The following PCDH9 variants were observed in gnomAD, a reference collection of about 807,000 sequenced individuals.
PCDH9 encodes protocadherin-9.
In PCDH9, 24 loss-of-function variants were observed where a neutral mutation model predicts 70.6. The observed-to-expected ratio is 0.34, with a 90% CI of 0.25 to 0.48. The LOEUF is 0.48. Among genes scored for constraint, PCDH9 ranks in the 20% least tolerant of loss-of-function variants. The pLI is 0.99. For missense variants in PCDH9, 1,281 were observed against 1,503.6 expected, an observed-to-expected ratio of 0.85 and a Z score of 2.45; for synonymous variants, 562 against 558.5, an observed-to-expected ratio of 1.01 and a Z score of -0.09.
At chr13:66,395,049 T>G (rs898278966) in intron 4 of PCDH9, among the ~76,000 whole-genome samples, 1 of 152,214 alleles carries the variant, frequency 6.6e-6, no homozygotes, top group Non-Finnish European at 1.5e-5. Flanking sequence ...TACAATGTTC[T>G]TTTTTGCTTG....
At chr13:66,324,730 A>C (rs1397639458) in intron 4 of PCDH9, among the ~76,000 whole-genome samples, 1 of 152,022 alleles carries the variant, frequency 6.6e-6, no homozygotes, top group Non-Finnish European at 1.5e-5. Flanking sequence ...TAGTTTCCTA[A>C]GCAAGCAGAG....
At chr13:66,672,734 T>G (rs1334758222) in intron 3 of PCDH9, among the ~76,000 whole-genome samples, 1 of 152,210 alleles carries the variant, frequency 6.6e-6, no homozygotes, top group East Asian at 1.9e-4. Context: ...CAGCATGACC[T>G]GGATGTGAGA....
In PCDH9 at chr13:66,361,830, G is replaced by A. The variant is rs143642088; in HGVS notation, c.3341-56802C>T. ...CATAGGTTTATCTGCAATGATAGCC[G>A]CTGCCTTGATTAATGTTTGAGCAGG... On this transcript the variant is annotated intron_variant, in intron 4 of 4. Transcript: ENST00000377865. 1.5e-4 allele frequency among the ~76,000 whole-genome samples: 23 copies of A among 152,202 alleles called. No individual in the cohort carries two copies. In the East Asian group the frequency reaches 4.1e-3, roughly 27 times the overall value.
intron 2 of PCDH9, among the ~76,000 whole-genome samples, chr13:67,154,132 A>G (rs2087736643): frequency 6.6e-6 from 1 of 152,198 alleles, no homozygotes; most frequent in African/African-American, 2.4e-5. Flanking sequence ...ATATAAGATA[A>G]TTAAGCACTA....
Position 66,911,365 on chromosome 13 carries a change from A to T in PCDH9, c.3037-7760T>A, listed in dbSNP as rs562035878. Among the ~76,000 whole-genome samples the T allele has an allele frequency of 2.4e-3, 366 of 152,272 alleles. 5 individuals are homozygous for T. The highest frequency in any genetic ancestry group is 8.3e-3 in the African/African-American group (343 of 41,566). On this transcript the variant is annotated intron_variant, in intron 2 of 4. Transcript: ENST00000377865. ...CTGGCTGTAAATTCCTTCATAAGTA[A>T]TTACTATACTTCTAACCTCTCTAAC... is the stretch of plus-strand genomic sequence containing the variant.
At chr13:67,034,241 C>G (rs888426133) in intron 2 of PCDH9, among the ~76,000 whole-genome samples, 2 of 152,078 alleles carry the variant, frequency 1.3e-5, no homozygotes, top group Non-Finnish European at 2.9e-5. Flanking sequence ...CCTCAGCCTC[C>G]CAAAGTGCTG....
chr13:66,798,659 C>T (rs1326041941), intron 3 of PCDH9, among the ~76,000 whole-genome samples: 1 of 152,142 alleles, frequency 6.6e-6, no homozygotes, highest in East Asian at 1.9e-4. Flanking sequence ...ATCTTCATCG[C>T]CTTCCCAATA....
chr13:66,385,806 A>G (rs1956917782), intron 4 of PCDH9, among the ~76,000 whole-genome samples: 1 of 152,204 alleles, frequency 6.6e-6, no homozygotes, highest in Non-Finnish European at 1.5e-5. Context: ...GCGATTTCAA[A>G]TATTGCCTTT....
chr13:66,772,336 C>A (rs1345839485), intron 3 of PCDH9, among the ~76,000 whole-genome samples: 1 of 152,172 alleles, frequency 6.6e-6, no homozygotes, highest in Non-Finnish European at 1.5e-5. Context: ...ATTTGCAATA[C>A]AAAGTTAACT....
intron 4 of PCDH9, among the ~76,000 whole-genome samples, chr13:66,370,685 A>G (rs1956634370): frequency 6.6e-6 from 1 of 151,364 alleles, no homozygotes; most frequent in Non-Finnish European, 1.5e-5. Context: ...TAATTTTTCA[A>G]AAAATTTATG....
At chr13:66,620,808 C>A (rs929967543) in intron 4 of PCDH9, among the ~76,000 whole-genome samples, 1 of 152,044 alleles carries the variant, frequency 6.6e-6, no homozygotes, top group East Asian at 1.9e-4. Context: ...TCCTAAAAAT[C>A]TACTTGTGGT....
intron 2 of PCDH9, among the ~76,000 whole-genome samples, chr13:67,159,533 T>C (rs2087900516): frequency 6.6e-6 from 1 of 152,226 alleles, no homozygotes; most frequent in South Asian, 2.1e-4. Flanking sequence ...TAGGAAATAA[T>C]GGAGGTCAGA....
chr13:67,171,243 A>C (rs1029293738), intron 2 of PCDH9, among the ~76,000 whole-genome samples: 1 of 152,172 alleles, frequency 6.6e-6, no homozygotes, highest in Non-Finnish European at 1.5e-5. Context: ...TTAAAAGAAA[A>C]AGTTGAAAAT....
At chr13:66,759,781 T>C (rs894253155) in intron 3 of PCDH9, among the ~76,000 whole-genome samples, 1 of 81,848 alleles carries the variant, frequency 1.2e-5, no homozygotes, top group African/African-American at 4.2e-5. Flanking sequence ...ATACTTTACA[T>C]ATATTTAAAT....
intron 4 of PCDH9, among the ~76,000 whole-genome samples, chr13:66,535,247 C>T (rs1455443099): frequency 1.3e-5 from 2 of 151,890 alleles, no homozygotes; most frequent in Non-Finnish European, 2.9e-5. Flanking sequence ...TGTTTTTAAA[C>T]ATTTTCTGAG....
intron 3 of PCDH9, among the ~76,000 whole-genome samples, chr13:66,713,866 A>G (rs1253574368): frequency 4.6e-5 from 7 of 151,930 alleles, no homozygotes; most frequent in Non-Finnish European, 1.0e-4. Context: ...TGTGTGATAT[A>G]TTGAAGCCCT....
chr13:66,455,539 A>G (rs1269934167), intron 4 of PCDH9, among the ~76,000 whole-genome samples: 1 of 152,108 alleles, frequency 6.6e-6, no homozygotes, highest in Non-Finnish European at 1.5e-5. Context: ...TTTGACTGAA[A>G]GTATGAAATA....
At position 67,002,616 on chromosome 13, in the gene PCDH9, T is replaced by C. The variant is rs187168934; in HGVS notation, c.3037-99011A>G. 5.2e-3 allele frequency among the ~76,000 whole-genome samples: 789 copies of C among 152,130 alleles called. 4 individuals are homozygous for C. The highest frequency in any genetic ancestry group is 8.1e-3 in the Non-Finnish European group (552 of 67,934). ...CAATTTTTAGAGATCAATAATGATC[T>C]CTGTTTTGTTTCCAAACAGTACTGA... On this transcript the variant is annotated intron_variant, in intron 2 of 4. Coordinates refer to ENST00000377865, the MANE Select transcript of PCDH9 (RefSeq NM_203487.3).
At chr13:67,080,269 T>A (rs2085957837) in intron 2 of PCDH9, among the ~76,000 whole-genome samples, 1 of 152,238 alleles carries the variant, frequency 6.6e-6, no homozygotes, top group African/African-American at 2.4e-5. Context: ...ACATTTATGG[T>A]AATTTAAAAC....
Sources: gnomAD v4.1 joint callset for allele counts (sites outside exome capture counted in the v4.1 genomes callset) on GRCh38, gnomAD v4.1.1 for gene constraint, MANE v1.5 for transcripts, NCBI Gene and HGNC (gene_info 2026-07-23, HGNC 2026-07-21) for gene names.